Variants in TNIK observed in about 807,000 individuals in gnomAD.
TNIK encodes TRAF2 and NCK-interacting protein kinase.
In TNIK, 49 loss-of-function variants were observed where a neutral mutation model predicts 191.3. The observed-to-expected ratio is 0.26, with a 90% CI of 0.20 to 0.32. TNIK has a LOEUF of 0.32. Among genes scored for constraint, TNIK ranks in the 10% least tolerant of loss-of-function variants. The pLI is 1.00. For missense variants in TNIK, 1,155 were observed against 1,702.3 expected (o/e 0.68, Z 5.66); for synonymous variants, 594 against 600.9 (o/e 0.99, Z 0.17).
At chr3:171,305,121 C>G (rs1324990920) in intron 2 of TNIK, among the ~76,000 whole-genome samples, 1 of 145,820 alleles carries the variant, frequency 6.9e-6, no homozygotes, top group South Asian at 2.1e-4. Flanking sequence ...TGCCTGAAAA[C>G]AGTGCTAATA....
chr3:171,402,196 G>A (rs1721034694), intron 1 of TNIK, among the ~76,000 whole-genome samples: 1 of 152,176 alleles, frequency 6.6e-6, no homozygotes, highest in African/African-American at 2.4e-5. Flanking sequence ...AAATTGAATG[G>A]AAAATAATGC....
Position 171,392,751 on chromosome 3 carries a change from C to T in TNIK, c.58-23066G>A, listed in dbSNP as rs1431742949. On this transcript the variant is annotated intron_variant, in intron 1 of 32. Transcript: ENST00000436636. ...CCGAGATCGTGCCATTGCACTCCAG[C>T]CTGGGTGACAGAACGAGATTCTGTC... is the stretch of plus-strand genomic sequence containing the variant. 2.1e-4 allele frequency among the ~76,000 whole-genome samples: 29 copies of T among 134,990 alleles called. No individual in the cohort carries two copies. In the Admixed American group the frequency reaches 2.4e-3, roughly 11 times the overall value. 88.6% of individuals were successfully genotyped at this position (134,990 alleles called of 152,430 possible).
intron 2 of TNIK, among the ~76,000 whole-genome samples, chr3:171,280,641 G>T (rs1292406560): frequency 7.8e-6 from 1 of 128,208 alleles, no homozygotes; most frequent in Non-Finnish European, 1.7e-5. Context: ...AGTCTAAACT[G>T]TCTCTAAATT....
intron 12 of TNIK, among the ~76,000 whole-genome samples, chr3:171,147,255 C>T (rs1000515454): frequency 6.6e-6 from 1 of 152,114 alleles, no homozygotes; most frequent in African/African-American, 2.4e-5. Flanking sequence ...TCAAACCATC[C>T]CCTCCACCCA....
At chr3:171,372,785 C>G (rs1479013702) in intron 1 of TNIK, among the ~76,000 whole-genome samples, 1 of 152,176 alleles carries the variant, frequency 6.6e-6, no homozygotes, top group African/African-American at 2.4e-5. Context: ...GAACTGAGCT[C>G]TGTGTGACAT....
intron 2 of TNIK, among the ~76,000 whole-genome samples, chr3:171,254,913 G>C (rs1439836978): frequency 6.6e-6 from 1 of 152,128 alleles, no homozygotes; most frequent in Non-Finnish European, 1.5e-5. Flanking sequence ...TTATAATTTG[G>C]AGTATGGTAA....
chr3:171,200,786 G>T (rs149306955), intron 4 of TNIK, among the ~76,000 whole-genome samples: 1 of 152,178 alleles, frequency 6.6e-6, no homozygotes, highest in Admixed American at 6.5e-5. Context: ...GCAGTCAAAG[G>T]TTTGGATGAT....
At chr3:171,260,839 A>G (rs1747513397) in intron 2 of TNIK, among the ~76,000 whole-genome samples, 1 of 152,190 alleles carries the variant, frequency 6.6e-6, no homozygotes, top group African/African-American at 2.4e-5. Context: ...GGGGTCAAAT[A>G]GGATGTTTTT....
At chr3:171,230,809 CCCTCTCTCCCTCTCTGGTCTTCCTT>C (rs1485803941) in intron 2 of TNIK, among the ~76,000 whole-genome samples, 1 of 152,116 alleles carries the variant, frequency 6.6e-6, no homozygotes, top group Non-Finnish European at 1.5e-5. Context: ...GGATTAATAT[CCCTCTCTCCCTCTCTGGTCTTCCTT>C]CCTCTCTCCC....
chr3:171,153,022 C>T (rs775455332), intron 12 of TNIK, among the ~76,000 whole-genome samples: 37 of 152,226 alleles, frequency 2.4e-4, no homozygotes, highest in African/African-American at 7.7e-4. Context: ...CCACCTGCCT[C>T]GGCCTCCCAA....
intron 2 of TNIK, among the ~76,000 whole-genome samples, chr3:171,311,492 T>C (rs1754011708): frequency 6.6e-6 from 1 of 152,114 alleles, no homozygotes; most frequent in Non-Finnish European, 1.5e-5. Context: ...AAACTGATGC[T>C]CACGGAAACT....
At chr3:171,221,018 G>A (rs1396586644) in intron 3 of TNIK, among the ~76,000 whole-genome samples, 1 of 152,096 alleles carries the variant, frequency 6.6e-6, no homozygotes, top group Non-Finnish European at 1.5e-5. Context: ...GCAAGAAGAG[G>A]ACAGATGCTA....
At chr3:171,423,754 T>C (rs1577882974) in intron 1 of TNIK, among the ~76,000 whole-genome samples, 1 of 152,176 alleles carries the variant, frequency 6.6e-6, no homozygotes, top group Non-Finnish European at 1.5e-5. Context: ...ATTTAATAAA[T>C]GGCGCTGGGA....
intron 4 of TNIK, among the ~76,000 whole-genome samples, chr3:171,195,536 TG>T (rs1481957630): frequency 1.3e-5 from 2 of 152,216 alleles, no homozygotes; most frequent in Admixed American, 6.5e-5. Context: ...TTGATGGCTT[TG>T]GCTTTGTCCA....
intron 2 of TNIK, among the ~76,000 whole-genome samples, chr3:171,252,034 G>C (rs561650117): frequency 6.8e-6 from 1 of 147,230 alleles, no homozygotes; most frequent in African/African-American, 2.5e-5. Context: ...TAAGGTAAAT[G>C]TTCATTTGCA....
chr3:171,345,335 T>C (rs1409452674), intron 2 of TNIK, among the ~76,000 whole-genome samples: 2 of 152,196 alleles, frequency 1.3e-5, no homozygotes, highest in Admixed American at 6.5e-5. Flanking sequence ...TCTTCCTTTG[T>C]TATATTACAT....
chr3:171,437,101 A>C (rs1726123784), intron 1 of TNIK, among the ~76,000 whole-genome samples: 1 of 152,232 alleles, frequency 6.6e-6, no homozygotes, highest in African/African-American at 2.4e-5. Flanking sequence ...TTATCTGAGA[A>C]AGGAAGAGTC....
chr3:171,458,159 CCCGACCT>C (rs1170082102), intron 1 of TNIK, among the ~76,000 whole-genome samples: 1 of 141,268 alleles, frequency 7.1e-6, no homozygotes, highest in African/African-American at 2.5e-5. Context: ...CGCCCCCCAC[CCCGACCT>C]CCGACCGATT....
chr3:171,402,404 G>A (rs1024418205), intron 1 of TNIK, among the ~76,000 whole-genome samples: 8 of 152,206 alleles, frequency 5.3e-5, no homozygotes, highest in African/African-American at 1.9e-4. Flanking sequence ...GGTGTCCAAT[G>A]CACAGGCAAA....
Sources: gnomAD v4.1 joint callset for allele counts (sites outside exome capture counted in the v4.1 genomes callset) on GRCh38, gnomAD v4.1.1 for gene constraint, MANE v1.5 for transcripts, NCBI Gene and HGNC (gene_info 2026-07-23, HGNC 2026-07-21) for gene names.